Variants in PDZD2 observed in about 807,000 individuals in gnomAD.
PDZD2 encodes PDZ domain containing 2.
In PDZD2, 90 loss-of-function variants were observed where a neutral mutation model predicts 220.7. That is an observed-to-expected ratio of 0.41 (90% CI 0.34 to 0.49). The LOEUF is 0.49. Ranked by LOEUF, PDZD2 falls within the 20% of genes least tolerant of loss-of-function variation. The probability of loss-of-function intolerance (pLI) is 0.28; values close to 1 mark genes in which losing one functional copy is unlikely to be tolerated. For missense variants in PDZD2, 3,174 were observed against 3,608.5 expected (o/e 0.88, Z 3.08); for synonymous variants, 1,375 against 1,450.5 (o/e 0.95, Z 1.18).
At chr5:32,076,269 G>C (rs1741275414) in intron 18 of PDZD2, among the ~76,000 whole-genome samples, 1 of 126,616 alleles carries the variant, frequency 7.9e-6, no homozygotes, top group Non-Finnish European at 1.6e-5. Context: ...CTGGGTGACA[G>C]AGCAAGACTC....
intron 1 of PDZD2, among the ~76,000 whole-genome samples, chr5:31,792,587 T>C (rs1400198714): frequency 6.6e-6 from 1 of 151,872 alleles, no homozygotes; most frequent in Non-Finnish European, 1.5e-5. Context: ...GCCCAGCTAA[T>C]TTTGTATTTT....
intron 20 of PDZD2, among the ~76,000 whole-genome samples, chr5:32,091,626 C>T (rs754939761): frequency 5.3e-5 from 8 of 152,258 alleles, no homozygotes; most frequent in Non-Finnish European, 8.8e-5. Context: ...CTCATAACCA[C>T]GGTCCATTCG....
chr5:32,034,728 G>A (rs1239429135), intron 6 of PDZD2, among the ~76,000 whole-genome samples: 5 of 152,106 alleles, frequency 3.3e-5, no homozygotes, highest in African/African-American at 1.2e-4. Context: ...AGAACCTGGA[G>A]ACAGGTTCTT....
intron 2 of PDZD2, among the ~76,000 whole-genome samples, chr5:31,862,053 A>C (rs1737752424): frequency 1.3e-5 from 2 of 151,874 alleles, no homozygotes; most frequent in Non-Finnish European, 2.9e-5. Context: ...TTGTGAATGA[A>C]CAACACAAGG....
intron 1 of PDZD2, among the ~76,000 whole-genome samples, chr5:31,715,964 G>A (rs764642999): frequency 6.6e-5 from 10 of 152,150 alleles, no homozygotes; most frequent in Non-Finnish European, 1.3e-4. Flanking sequence ...CTCTCAGCCC[G>A]TGCAAAGCTC....
intron 2 of PDZD2, among the ~76,000 whole-genome samples, chr5:31,975,654 A>G (rs1320292618): frequency 6.6e-6 from 1 of 152,120 alleles, no homozygotes; most frequent in Non-Finnish European, 1.5e-5. Flanking sequence ...AGTCACATCT[A>G]TTCCTAGGCC....
chr5:32,074,452 T>C lies in PDZD2; in HGVS notation c.3346T>C (p.Ser1116Pro), dbSNP rs1408383810. ...CCAGCAGAAAAGTGAAGGCCTGGGCTCCAGGCACAGACCAGTGGCCAGGGT... is the reference window on the plus strand; with the variant it reads ...CCAGCAGAAAAGTGAAGGCCTGGGCCCCAGGCACAGACCAGTGGCCAGGGT... ...SPQQKSEGLG[S>P]RHRPVARVSP... The change falls in exon 18 of 25, where the codon TCC becomes CCC. Residue 1116 changes from serine to proline, a missense_variant. This residue lies in a region of PDZD2 where 1,861 missense variants were observed against 2,001.0 expected (regional missense o/e 0.93). Transcript: ENST00000438447. 6 of 1,613,916 alleles carry C rather than the reference T, an allele frequency of 3.7e-6. No individual in the cohort carries two copies. The highest frequency in any genetic ancestry group is 5.1e-6 in the Non-Finnish European group (6 of 1,179,898).
In PDZD2 at chr5:32,074,150, A is replaced by G. The variant is rs1741040081; in HGVS notation, c.3044A>G (p.His1015Arg). ...SISSSKGMDV[H>R]NQEERPRKTL... Reference sequence around the variant, plus strand: ...TCCTCTTCCAAGGGCATGGACGTCCACAACCAAGAGGAACGACCCCGGAAA... The same window carrying G: ...TCCTCTTCCAAGGGCATGGACGTCCGCAACCAAGAGGAACGACCCCGGAAA... The change falls in exon 18 of 25, where the codon CAC (histidine) becomes CGC (arginine). Residue 1015 changes from histidine to arginine, a missense_variant. Around this residue, in one of 4 missense-constraint regions of PDZD2, gnomAD observed 1,861 missense variants for 2,001.0 expected, o/e 0.93. Coordinates refer to ENST00000438447, the MANE Select transcript of PDZD2 (RefSeq NM_178140.4). 3 of 1,614,210 alleles carry G rather than the reference A, an allele frequency of 1.9e-6. No individual in the cohort carries two copies. Among genetic ancestry groups the G allele is most frequent in the East Asian group, 2.2e-5 (1 of 44,882 alleles).
At chr5:31,689,353 A>ATATATATATATATATATAT in intron 1 of PDZD2, among the ~76,000 whole-genome samples, 1 of 35,142 alleles carries the variant, frequency 2.8e-5, no homozygotes, top group African/African-American at 2.1e-4. Flanking sequence ...ATATATATAT[A>ATATATATATATATATATAT]TTTTTTTTTT....
chr5:31,906,454 C>G (rs1052599244), intron 2 of PDZD2, among the ~76,000 whole-genome samples: 2 of 151,772 alleles, frequency 1.3e-5, no homozygotes, highest in Non-Finnish European at 2.9e-5. Context: ...AAGCAATCAG[C>G]CCGTCTCAGC....
intron 2 of PDZD2, among the ~76,000 whole-genome samples, chr5:31,981,734 A>AT (rs1379866186): frequency 6.6e-6 from 1 of 152,174 alleles, no homozygotes. Flanking sequence ...ATGTGGCAAG[A>AT]TTCCAGTGGA....
intron 1 of PDZD2, among the ~76,000 whole-genome samples, chr5:31,729,048 A>G (rs1165283967): frequency 4.0e-5 from 6 of 149,296 alleles, no homozygotes; most frequent in African/African-American, 1.2e-4. Flanking sequence ...GTCTATTAGT[A>G]TATGTATTAA....
In PDZD2 at chr5:31,961,041, A is replaced by G. The variant is rs541313907; in HGVS notation, c.477-22114A>G. Among the ~76,000 whole-genome samples the G allele has an allele frequency of 2.0e-5, 3 of 152,344 alleles. No individual in the cohort carries two copies. The East Asian group carries it at 5.8e-4, about 29-fold the overall frequency. ...ATAACATCACTTTAATTTTTCAGAGAAAATCTGCTCCTCAGCACAAGACTG... is the reference window on the plus strand; with the variant it reads ...ATAACATCACTTTAATTTTTCAGAGGAAATCTGCTCCTCAGCACAAGACTG... On this transcript the variant is annotated intron_variant, in intron 2 of 24. Transcript: ENST00000438447.
intron 2 of PDZD2, among the ~76,000 whole-genome samples, chr5:31,818,241 C>T (rs748195444): frequency 1.3e-5 from 2 of 151,932 alleles, no homozygotes; most frequent in African/African-American, 4.8e-5. Flanking sequence ...CAAAGTGTTG[C>T]GATTATAGGC....
At chr5:32,100,546 G>C (rs1744158216) in intron 23 of PDZD2, 1 of 327,784 alleles carries the variant, frequency 3.1e-6, no homozygotes, top group Admixed American at 4.2e-5. Context: ...ATAGCCAGGG[G>C]CAGGGTTTCC....
At chr5:32,004,737 T>C (rs1752671210) in intron 5 of PDZD2, among the ~76,000 whole-genome samples, 1 of 152,168 alleles carries the variant, frequency 6.6e-6, no homozygotes, top group African/African-American at 2.4e-5. Context: ...TTTATGCAAA[T>C]AAAATATAAA....
chr5:31,799,317 G>A lies in PDZD2; in HGVS notation c.69G>A (p.Leu23=), dbSNP rs146527627. 177 of 1,614,024 alleles carry A rather than the reference G, an allele frequency of 1.1e-4. No homozygotes were observed. The highest frequency in any genetic ancestry group is 1.4e-4 in the Non-Finnish European group (166 of 1,179,980). ...PLLYQWLQNS[L]QEGGDGPEQR... The stretch of plus-strand genomic sequence containing the variant: ...TCTACCAGTGGCTGCAGAACAGCCT[G>A]CAGGAAGGTGGGGATGGGCCGGAGC... Residue 23 remains leucine (L), a synonymous_variant, in exon 2 of 25, where the codon CTG becomes CTA. Transcript: ENST00000438447.
chr5:31,891,127 C>CTTTTTT lies in PDZD2; in HGVS notation c.476+91425_476+91430dup, dbSNP rs869189606. On this transcript the variant is annotated intron_variant, in intron 2 of 24. Coordinates refer to ENST00000438447, the MANE Select transcript of PDZD2 (RefSeq NM_178140.4). The stretch of plus-strand genomic sequence containing the variant: ...TGTAAGCAAAGCTCAGGGGTTTTTC[C>CTTTTTT]TTTTTTTTTTTTTTTTTTTTTTTTT... 3.0e-4 allele frequency among the ~76,000 whole-genome samples: 29 copies of CTTTTTT among 96,416 alleles called. 1 individual carries two copies. Among genetic ancestry groups the CTTTTTT allele is most frequent in the Non-Finnish European group, 9.7e-5 (5 of 51,630 alleles). The allele number at this position is 96,416 out of a possible 152,430, so 63.3% of individuals were successfully genotyped here. A position where few individuals can be genotyped will look rare whatever the true frequency, so the allele number is the denominator to read the frequency against.
chr5:32,063,613 T>A (rs549018318), intron 14 of PDZD2, among the ~76,000 whole-genome samples: 3 of 152,292 alleles, frequency 2.0e-5, no homozygotes, highest in South Asian at 4.1e-4. Context: ...TCTATTCTCA[T>A]CCTATATCAA....
Sources: gnomAD v4.1 joint callset for allele counts (sites outside exome capture counted in the v4.1 genomes callset) on GRCh38, gnomAD v4.1.1 for gene constraint, gnomAD v4.1.1 regional missense constraint, MANE v1.5 for transcripts, NCBI Gene and HGNC (gene_info 2026-07-23, HGNC 2026-07-21) for gene names.